Variants in CNOT6 observed in about 807,000 individuals in gnomAD.
CNOT6 encodes the protein carbon catabolite repression 4 protein.
A neutral mutation model predicts 61.2 loss-of-function variants in CNOT6; 12 were observed. That is an observed-to-expected ratio of 0.20 (90% CI 0.13 to 0.32). CNOT6 has a LOEUF of 0.32. Among genes scored for constraint, CNOT6 ranks in the 10% least tolerant of loss-of-function variants. The probability of loss-of-function intolerance (pLI) is 1.00; values close to 1 mark genes in which losing one functional copy is unlikely to be tolerated. For missense variants in CNOT6, 405 were observed against 663.9 expected, an observed-to-expected ratio of 0.61 and a Z score of 4.28; for synonymous variants, 225 against 240.6, an observed-to-expected ratio of 0.94 and a Z score of 0.60.
At chr5:180,542,982 A>C (rs757725864) in intron 2 of CNOT6, among the ~76,000 whole-genome samples, 1 of 152,208 alleles carries the variant, frequency 6.6e-6, no homozygotes, top group Non-Finnish European at 1.5e-5. Flanking sequence ...TGGTAGAGAT[A>C]TATCTTTCTC....
At chr5:180,532,696 C>A (rs1333115093) in intron 2 of CNOT6, among the ~76,000 whole-genome samples, 1 of 152,208 alleles carries the variant, frequency 6.6e-6, no homozygotes, top group Admixed American at 6.5e-5. Context: ...GTCCCCAAGA[C>A]TGCCCTCTCC....
chr5:180,567,646 G>A (rs906111805), intron 8 of CNOT6, among the ~76,000 whole-genome samples: 3 of 152,206 alleles, frequency 2.0e-5, no homozygotes, highest in African/African-American at 7.2e-5. Context: ...AATATTTCAA[G>A]TTGTTATTTG....
rs772322116 is a variant in CNOT6, at chr5:180,569,341, G to A, written c.1258+1G>A. 6.3e-7 allele frequency: 1 copy of A among 1,576,752 alleles called. No homozygotes were observed. Among genetic ancestry groups the A allele is most frequent in the Non-Finnish European group, 8.7e-7 (1 of 1,147,556 alleles). ...GATCTTAATTCTTTGCCAGACTCTG[G>A]TAAGAAAATAATGTGATTTTATGTA... On this transcript the variant is annotated splice_donor_variant, in intron 10 of 11. Transcript: ENST00000261951. LOFTEE classifies it high-confidence loss of function.
At chr5:180,552,356 T>C (rs909901679) in intron 3 of CNOT6, among the ~76,000 whole-genome samples, 1 of 151,502 alleles carries the variant, frequency 6.6e-6, no homozygotes, top group African/African-American at 2.4e-5. Context: ...AAGTGACAAA[T>C]AGGCTGGGCA....
In CNOT6 at chr5:180,571,300, T is replaced by C; in HGVS notation, c.1329T>C (p.Asn443=). 3.1e-6 allele frequency: 5 copies of C among 1,614,116 alleles called. No homozygotes were observed. The highest frequency in any genetic ancestry group is 3.4e-6 in the Non-Finnish European group (4 of 1,179,930). Residue 443 remains asparagine (N), a synonymous_variant, in exon 11 of 12, where the codon AAT becomes AAC. Transcript: ENST00000261951. ...AAGACTTTAAGGAGTTGAGGTATAA[T>C]GAAAGTCTCACAAACTTCAGCTGTC... ...NHKDFKELRY[N]ESLTNFSCHG...
At chr5:180,551,361 C>G (rs746611815) in intron 3 of CNOT6, among the ~76,000 whole-genome samples, 5 of 151,974 alleles carry the variant, frequency 3.3e-5, no homozygotes, top group African/African-American at 4.8e-5. Flanking sequence ...TGTCTCTACC[C>G]TCCTCCCCTC....
intron 1 of CNOT6, among the ~76,000 whole-genome samples, chr5:180,510,386 G>A (rs1246813443): frequency 6.6e-6 from 1 of 152,050 alleles, no homozygotes; most frequent in Non-Finnish European, 1.5e-5. Flanking sequence ...GACATTGGGA[G>A]GCAGCAGATT....
chr5:180,563,297 G>T (rs945087061), intron 4 of CNOT6, among the ~76,000 whole-genome samples: 2 of 150,906 alleles, frequency 1.3e-5, no homozygotes, highest in Non-Finnish European at 2.9e-5. Context: ...CTCACTGCAA[G>T]CTCTGCCTCC....
intron 4 of CNOT6, among the ~76,000 whole-genome samples, chr5:180,557,242 A>T (rs1759943922): frequency 6.6e-6 from 1 of 152,184 alleles, no homozygotes; most frequent in Admixed American, 6.6e-5. Context: ...ATAGTTATTC[A>T]TTTCTCTAGG....
intron 2 of CNOT6, among the ~76,000 whole-genome samples, chr5:180,544,580 T>G (rs1048271694): frequency 7.9e-5 from 12 of 152,228 alleles, no homozygotes; most frequent in Admixed American, 7.9e-4. Flanking sequence ...TTTGTGGTTT[T>G]CTTTCTGGCT....
intron 10 of CNOT6, among the ~76,000 whole-genome samples, 170 bp from the exon 11 acceptor site, chr5:180,571,060 T>C (rs745403516): frequency 4.9e-4 from 74 of 152,218 alleles, no homozygotes; most frequent in Non-Finnish European, 6.9e-4. Flanking sequence ...TATTCAATAC[T>C]CTGTGATGAC....
At chr5:180,543,115 G>A (rs1246181538) in intron 2 of CNOT6, among the ~76,000 whole-genome samples, 1 of 152,066 alleles carries the variant, frequency 6.6e-6, no homozygotes, top group Non-Finnish European at 1.5e-5. Context: ...TTGGAGTGCA[G>A]TGGCACGGTC....
At chr5:180,549,288 G>A (rs1388173570) in intron 2 of CNOT6, among the ~76,000 whole-genome samples, 3 of 152,088 alleles carry the variant, frequency 2.0e-5, no homozygotes, top group African/African-American at 7.2e-5. Context: ...CAGTCATGAC[G>A]TTCAGATATT....
At chr5:180,508,896 C>T (rs977332436) in intron 1 of CNOT6, among the ~76,000 whole-genome samples, 3 of 151,474 alleles carry the variant, frequency 2.0e-5, no homozygotes, top group East Asian at 1.9e-4. Context: ...GATCCTGGCT[C>T]GCTGCAACTC....
rs1056384315 is a variant in CNOT6, at chr5:180,509,195, G to A, written c.-3+14432G>A. ...CACCCAGACTGGAATGCAGTGGTGC[G>A]ATCTTGGCTCACTGCAACCTCCGCC... On this transcript the variant is annotated intron_variant, in intron 1 of 11. Coordinates refer to ENST00000261951, the MANE Select transcript of CNOT6 (RefSeq NM_001370472.1). 3.9e-5 allele frequency among the ~76,000 whole-genome samples: 6 copies of A among 151,940 alleles called. No individual in the cohort carries two copies. In the East Asian group the frequency reaches 7.8e-4, roughly 20 times the overall value.
intron 4 of CNOT6, among the ~76,000 whole-genome samples, chr5:180,563,275 G>A (rs1760280289): frequency 6.6e-6 from 1 of 151,312 alleles, no homozygotes; most frequent in Non-Finnish European, 1.5e-5. Context: ...GAGTGCAGTG[G>A]CGCGATCTTG....
chr5:180,558,929 AC>A (rs1307523388), intron 4 of CNOT6, among the ~76,000 whole-genome samples: 1 of 151,826 alleles, frequency 6.6e-6, no homozygotes, highest in African/African-American at 2.4e-5. Context: ...CAAGCACTTT[AC>A]CCCCGGCTTG....
intron 3 of CNOT6, among the ~76,000 whole-genome samples, chr5:180,552,595 G>A (rs1244348030): frequency 6.6e-5 from 10 of 150,534 alleles, no homozygotes; most frequent in African/African-American, 2.0e-4. Flanking sequence ...GCAGTGAGCC[G>A]AGATCGCATC....
At chr5:180,519,684 A>T (rs549581247) in intron 1 of CNOT6, among the ~76,000 whole-genome samples, 1 of 152,284 alleles carries the variant, frequency 6.6e-6, no homozygotes, top group South Asian at 2.1e-4. Flanking sequence ...TTATCGCCAC[A>T]AATACATATA....
Sources: allele counts gnomAD v4.1 joint callset (sites outside exome capture counted in the v4.1 genomes callset), GRCh38; gene constraint gnomAD v4.1.1; transcripts MANE v1.5; gene names NCBI Gene and HGNC (gene_info 2026-07-23, HGNC 2026-07-21).